The following MALRD1 variants were observed in gnomAD, a reference collection of about 807,000 sequenced individuals.
MALRD1 encodes MAM and LDL-receptor class A domain-containing protein 1.
MALRD1 carries 247 observed loss-of-function variants against 242.1 expected under a neutral mutation model. That is an observed-to-expected ratio of 1.02 (90% CI 0.92 to 1.13). MALRD1 has a LOEUF of 1.13. Ranked by LOEUF, MALRD1 falls within the 50% of genes most tolerant of loss-of-function variation. The pLI, the probability that MALRD1 is intolerant of heterozygous loss-of-function variation, is 0.00. For synonymous variants in MALRD1, 995 were observed against 866.6 expected, an observed-to-expected ratio of 1.15 and a Z score of -2.60; for missense variants, 2,989 against 2,533.1, an observed-to-expected ratio of 1.18 and a Z score of -3.86.
chr10:19,229,209 A>G lies in MALRD1; in HGVS notation c.2991+19529A>G, dbSNP rs191318555. Among the ~76,000 whole-genome samples the G allele has an allele frequency of 4.6e-5, 7 of 152,202 alleles. 1 individual carries two copies. The highest frequency in any genetic ancestry group is 8.8e-5 in the Non-Finnish European group (6 of 68,016). On this transcript the variant is annotated intron_variant, in intron 18 of 39. Transcript: ENST00000454679. ...GAGCATCTTTAACCTACGTAACAAT[A>G]TATCAGAATGTATTAGGTAAAAAAT...
At chr10:19,531,898 T>A (rs1834432870) in intron 32 of MALRD1, among the ~76,000 whole-genome samples, 1 of 152,204 alleles carries the variant, frequency 6.6e-6, no homozygotes, top group African/African-American at 2.4e-5. Context: ...TTTTCAATCA[T>A]CATGAACCAA....
At chr10:19,367,953 T>G (rs911911093) in intron 26 of MALRD1, among the ~76,000 whole-genome samples, 1 of 151,804 alleles carries the variant, frequency 6.6e-6, no homozygotes, top group African/African-American at 2.4e-5. Flanking sequence ...AATTGGAGTA[T>G]TATTATTATT....
chr10:19,304,757 C>A (rs1278677848), intron 21 of MALRD1, among the ~76,000 whole-genome samples: 1 of 151,620 alleles, frequency 6.6e-6, no homozygotes, highest in East Asian at 1.9e-4. Context: ...CCTTTGTGAC[C>A]AAGGTCATAA....
chr10:19,672,014 A>G (rs1035525182), intron 36 of MALRD1, among the ~76,000 whole-genome samples: 7 of 151,510 alleles, frequency 4.6e-5, no homozygotes, highest in Non-Finnish European at 8.8e-5. Flanking sequence ...TAAATGTCCT[A>G]TTGTCCTTAA....
intron 36 of MALRD1, among the ~76,000 whole-genome samples, chr10:19,670,008 T>C (rs1222355997): frequency 6.6e-6 from 1 of 152,040 alleles, no homozygotes; most frequent in Non-Finnish European, 1.5e-5. Context: ...ACTTGAATTT[T>C]TGAACAATAT....
At chr10:19,628,722 C>A (rs1839784836) in intron 36 of MALRD1, among the ~76,000 whole-genome samples, 1 of 151,984 alleles carries the variant, frequency 6.6e-6, no homozygotes, top group South Asian at 2.1e-4. Context: ...CTTAAAAAAG[C>A]ATTAAAAAGA....
chr10:19,288,302 C>A (rs2131908583), intron 21 of MALRD1, among the ~76,000 whole-genome samples: 1 of 152,112 alleles, frequency 6.6e-6, no homozygotes, highest in African/African-American at 2.4e-5. Flanking sequence ...CTTTGAGTTA[C>A]AAACAATCCA....
intron 21 of MALRD1, among the ~76,000 whole-genome samples, chr10:19,306,247 T>C (rs1362494593): frequency 3.1e-5 from 4 of 130,080 alleles, no homozygotes; most frequent in East Asian, 2.3e-4. Context: ...CTATATATAC[T>C]ATACTATAGT....
intron 35 of MALRD1, 25 bp from the exon 36 acceptor site, chr10:19,615,832 G>T (rs1839128642): frequency 2.0e-6 from 3 of 1,479,354 alleles, no homozygotes; most frequent in South Asian, 1.2e-5. Flanking sequence ...TAATTAACTG[G>T]TGTCTTTGTG....
chr10:19,133,724 A>G (rs2131405355), intron 8 of MALRD1, 132 bp from the exon 9 acceptor site: 1 of 405,710 alleles, frequency 2.5e-6, no homozygotes, highest in Non-Finnish European at 4.2e-6. Context: ...TACTACCAAG[A>G]CTTTAGATTT....
At chr10:19,635,566 G>T (rs185578067) in intron 36 of MALRD1, among the ~76,000 whole-genome samples, 1 of 151,840 alleles carries the variant, frequency 6.6e-6, no homozygotes, top group Non-Finnish European at 1.5e-5. Flanking sequence ...AACACGGAAA[G>T]AAAAAAAGAT....
chr10:19,477,899 G>C (rs115268664), intron 29 of MALRD1, among the ~76,000 whole-genome samples: 3,610 of 152,206 alleles, frequency 0.024, 165 homozygotes, highest in African/African-American at 0.082. Flanking sequence ...TGTACACATG[G>C]TTGACAAAAG....
At chr10:19,371,695 T>C (rs1365304517) in intron 26 of MALRD1, among the ~76,000 whole-genome samples, 2 of 152,240 alleles carry the variant, frequency 1.3e-5, no homozygotes, top group African/African-American at 4.8e-5. Flanking sequence ...CATTGTTCTA[T>C]AATTGTCTTT....
At chr10:19,325,369 CCT>C (rs1843082059) in intron 22 of MALRD1, among the ~76,000 whole-genome samples, 2 of 151,284 alleles carry the variant, frequency 1.3e-5, no homozygotes, top group Admixed American at 1.3e-4. Flanking sequence ...TTATTTTTAT[CCT>C]GTCCTGTCTC....
chr10:19,307,950 G>T (rs564665986), intron 21 of MALRD1, among the ~76,000 whole-genome samples: 32 of 151,404 alleles, frequency 2.1e-4, no homozygotes, highest in Non-Finnish European at 4.1e-4. Context: ...ATGATGTTTT[G>T]ATACAGGCAT....
intron 36 of MALRD1, among the ~76,000 whole-genome samples, chr10:19,672,584 C>T (rs927123100): frequency 5.3e-5 from 8 of 151,752 alleles, no homozygotes; most frequent in East Asian, 1.9e-4. Flanking sequence ...CCACCATGCC[C>T]GGCTAATTTT....
chr10:19,551,806 G>T (rs1251691341), intron 32 of MALRD1, among the ~76,000 whole-genome samples: 1 of 152,068 alleles, frequency 6.6e-6, no homozygotes, highest in Non-Finnish European at 1.5e-5. Context: ...CTGAACAGAT[G>T]CTGAATTTCA....
intron 14 of MALRD1, among the ~76,000 whole-genome samples, chr10:19,183,115 G>T (rs1238092956): frequency 1.2e-4 from 16 of 137,888 alleles, no homozygotes; most frequent in African/African-American, 3.2e-4. Context: ...TATTTTGAGG[G>T]TTTTTTTTTT....
chr10:19,187,058 G>C (rs1835768347), intron 14 of MALRD1, among the ~76,000 whole-genome samples: 1 of 152,130 alleles, frequency 6.6e-6, no homozygotes, highest in Non-Finnish European at 1.5e-5. Flanking sequence ...ACACCTAAAA[G>C]ACCACATAAT....
Sources: gnomAD v4.1 joint callset for allele counts (sites outside exome capture counted in the v4.1 genomes callset) on GRCh38, gnomAD v4.1.1 for gene constraint, MANE v1.5 for transcripts, NCBI Gene and HGNC (gene_info 2026-07-23, HGNC 2026-07-21) for gene names.